The following NRXN3 variants were observed in gnomAD, a reference collection of about 807,000 sequenced individuals.
The protein encoded by NRXN3 is neurexin 3.
A neutral mutation model predicts 137.6 loss-of-function variants in NRXN3; 32 were observed. That is an observed-to-expected ratio of 0.23 (90% CI 0.18 to 0.31). The LOEUF (loss-of-function observed/expected upper bound fraction) is 0.31. Ranked by LOEUF, NRXN3 falls within the 10% of genes least tolerant of loss-of-function variation. The pLI is 1.00. For missense variants in NRXN3, 1,574 were observed against 2,062.5 expected (o/e 0.76, Z 4.59); for synonymous variants, 798 against 784.5 (o/e 1.02, Z -0.29).
intron 16 of NRXN3, among the ~76,000 whole-genome samples, chr14:79,536,288 C>T (rs534431415): frequency 8.5e-5 from 13 of 152,196 alleles, no homozygotes; most frequent in Non-Finnish European, 1.6e-4. Flanking sequence ...TCCATGATTA[C>T]ATCATTGCAC....
chr14:78,323,262 G>A (rs2079621562), intron 4 of NRXN3, among the ~76,000 whole-genome samples: 1 of 151,992 alleles, frequency 6.6e-6, no homozygotes, highest in Non-Finnish European at 1.5e-5. Flanking sequence ...CAGAAATTGA[G>A]ATTGGGGCAG....
intron 16 of NRXN3, among the ~76,000 whole-genome samples, chr14:79,577,018 A>G (rs968858107): frequency 6.6e-6 from 1 of 152,090 alleles, no homozygotes; most frequent in Non-Finnish European, 1.5e-5. Context: ...GGTGGAGGTA[A>G]TAGGATCATG....
intron 10 of NRXN3, among the ~76,000 whole-genome samples, chr14:78,917,008 A>C (rs971139604): frequency 2.0e-5 from 3 of 152,200 alleles, no homozygotes; most frequent in African/African-American, 7.2e-5. Context: ...CCCTCATGCC[A>C]TAATTTTAAT....
chr14:79,689,082 G>A (rs867833259), intron 17 of NRXN3, among the ~76,000 whole-genome samples: 19 of 151,964 alleles, frequency 1.3e-4, no homozygotes, highest in South Asian at 6.2e-4. Flanking sequence ...AGTAATGCAC[G>A]TATGCCTCCT....
intron 15 of NRXN3, among the ~76,000 whole-genome samples, chr14:79,232,010 T>G (rs944085961): frequency 3.9e-5 from 6 of 152,290 alleles, no homozygotes; most frequent in Non-Finnish European, 7.4e-5. Context: ...TGGTCTCATA[T>G]AAGGACATGA....
chr14:78,191,644 G>A (rs1219785627), intron 1 of NRXN3, among the ~76,000 whole-genome samples: 1 of 152,192 alleles, frequency 6.6e-6, no homozygotes, highest in Non-Finnish European at 1.5e-5. Context: ...TGGCTTGGAA[G>A]TTTCCTTCCA....
chr14:78,872,097 C>A (rs1159408657), intron 10 of NRXN3, among the ~76,000 whole-genome samples: 1 of 151,836 alleles, frequency 6.6e-6, no homozygotes, highest in African/African-American at 2.4e-5. Context: ...TATTTCCAAA[C>A]AATGTGGTTA....
intron 19 of NRXN3, among the ~76,000 whole-genome samples, chr14:79,772,536 C>G (rs879354958): frequency 6.6e-6 from 1 of 152,170 alleles, no homozygotes; most frequent in East Asian, 1.9e-4. Flanking sequence ...AAAGGATTCC[C>G]TATTTAATAA....
chr14:79,410,041 C>G (rs1436002025), intron 15 of NRXN3, among the ~76,000 whole-genome samples: 2 of 151,702 alleles, frequency 1.3e-5, no homozygotes, highest in Non-Finnish European at 2.9e-5. Context: ...TCAGATTTCT[C>G]TCAGTTCTAG....
In NRXN3 at chr14:78,280,713, C is replaced by T. The variant is rs997331416; in HGVS notation, c.727+2051C>T. On this transcript the variant is annotated intron_variant, in intron 3 of 20. Coordinates refer to ENST00000335750, the MANE Select transcript of NRXN3 (RefSeq NM_001330195.2). The stretch of plus-strand genomic sequence containing the variant: ...CATCTTTTTCTAGTGCTCACACAGG[C>T]GCCATATTGGTCCTGGGTGAGATAA... Among the ~76,000 whole-genome samples, 5 of 152,156 alleles carry T rather than the reference C, an allele frequency of 3.3e-5. 1 individual carries two copies. The highest frequency in any genetic ancestry group is 1.3e-4 in the Admixed American group (2 of 15,286).
At chr14:78,874,466 T>G (rs1185792953) in intron 10 of NRXN3, among the ~76,000 whole-genome samples, 1 of 152,186 alleles carries the variant, frequency 6.6e-6, no homozygotes. Flanking sequence ...TCAACCCTTT[T>G]CATCATGATG....
chr14:79,777,252 C>T (rs2099099873), intron 19 of NRXN3, among the ~76,000 whole-genome samples: 1 of 152,134 alleles, frequency 6.6e-6, no homozygotes. Flanking sequence ...TACTGTAAGG[C>T]AGTTTCTGTT....
intron 4 of NRXN3, among the ~76,000 whole-genome samples, chr14:78,351,516 C>G (rs1167173560): frequency 6.6e-6 from 1 of 152,122 alleles, no homozygotes. Context: ...AATTTAGCCA[C>G]TCTGATGTGG....
chr14:79,242,956 A>G (rs554488956), intron 15 of NRXN3, among the ~76,000 whole-genome samples: 2 of 152,312 alleles, frequency 1.3e-5, no homozygotes, highest in South Asian at 2.1e-4. Context: ...CTTCCTTCCC[A>G]TAGTTTCACT....
intron 4 of NRXN3, among the ~76,000 whole-genome samples, chr14:78,433,180 G>A (rs72681546): frequency 0.088 from 13,434 of 152,082 alleles, 821 homozygotes; most frequent in Admixed American, 0.15. Flanking sequence ...TGGGATTGAA[G>A]TCCCCATTTT....
At chr14:78,554,882 C>A (rs1374153547) in intron 4 of NRXN3, among the ~76,000 whole-genome samples, 1 of 152,146 alleles carries the variant, frequency 6.6e-6, no homozygotes, top group Non-Finnish European at 1.5e-5. Context: ...TGACAGGTAT[C>A]TAAATCCTCT....
rs553429568 is a variant in NRXN3, at chr14:79,776,957, C to A, written c.4015-28155C>A. On this transcript the variant is annotated intron_variant, in intron 19 of 20. Transcript: ENST00000335750. ...TATGATAGTGGGGCTGATAGGCAGG[C>A]AATTACATTTTTGTTCTCTTGCTTT... is the stretch of plus-strand genomic sequence containing the variant. Among the ~76,000 whole-genome samples the A allele has an allele frequency of 2.0e-5, 3 of 152,250 alleles. No homozygotes were observed. The South Asian group carries it at 6.2e-4, about 32-fold the overall frequency.
At chr14:79,368,644 G>C (rs150797087) in intron 15 of NRXN3, among the ~76,000 whole-genome samples, 49 of 152,258 alleles carry the variant, frequency 3.2e-4, no homozygotes, top group African/African-American at 1.1e-3. Flanking sequence ...CTTTTGAGCT[G>C]TGTTGTTGAC....
intron 4 of NRXN3, among the ~76,000 whole-genome samples, chr14:78,497,623 CATCT>C (rs767548607): frequency 2.7e-5 from 4 of 148,906 alleles, no homozygotes; most frequent in African/African-American, 7.6e-5. Context: ...TCCATCCATC[CATCT>C]ATCCATCTGT....
Sources: allele counts gnomAD v4.1 joint callset (sites outside exome capture counted in the v4.1 genomes callset), GRCh38; gene constraint gnomAD v4.1.1; transcripts MANE v1.5; gene names NCBI Gene and HGNC (gene_info 2026-07-23, HGNC 2026-07-21).